Variants in STK3 observed in about 807,000 individuals in gnomAD.
STK3 encodes the protein serine/threonine-protein kinase 3.
STK3 carries 41 observed loss-of-function variants against 58.0 expected under a neutral mutation model. The ratio of observed to expected loss-of-function variants is 0.71; its 90% CI spans 0.55 to 0.92. STK3 has a LOEUF of 0.92. Ranked by LOEUF, STK3 falls within the 40% of genes least tolerant of loss-of-function variation. The pLI is 0.00. For synonymous variants in STK3, 170 were observed against 191.0 expected, an observed-to-expected ratio of 0.89 and a Z score of 0.91; for missense variants, 479 against 602.7, an observed-to-expected ratio of 0.79 and a Z score of 2.15.
chr8:98,921,331 G>A (rs527354065), intron 1 of STK3: 3 of 152,088 alleles, frequency 2.0e-5, no homozygotes, highest in Admixed American at 6.5e-5. Context: ...TTGTCTGGAG[G>A]TTCTAGCAGG....
At chr8:98,544,400 C>T (rs187995874) in intron 9 of STK3, among the ~76,000 whole-genome samples, 9 of 152,098 alleles carry the variant, frequency 5.9e-5, no homozygotes, top group African/African-American at 2.2e-4. Context: ...TACTGTAGTT[C>T]TCTAATAATT....
intron 3 of STK3, among the ~76,000 whole-genome samples, chr8:98,877,110 T>C (rs112394700): frequency 0.032 from 4,813 of 152,316 alleles, 107 homozygotes; most frequent in Non-Finnish European, 0.046. Flanking sequence ...ATGACATCTA[T>C]TCCAAAAGGT....
rs187093578 is a variant in STK3, at chr8:98,651,062, C to G, written c.685-54893G>C. Among the ~76,000 whole-genome samples, 237 of 152,318 alleles carry G rather than the reference C, an allele frequency of 1.6e-3. 1 individual carries two copies. Among genetic ancestry groups the G allele is most frequent in the African/African-American group, 5.5e-3 (227 of 41,586 alleles). On this transcript the variant is annotated intron_variant, in intron 6 of 10. Coordinates refer to ENST00000419617, the MANE Select transcript of STK3 (RefSeq NM_006281.4). ...CCTCAAGTGGGTCCCTGACCCCTGG[C>G]CCTGGAGCCGCCTAACTGGGAGGCA... is the stretch of plus-strand genomic sequence containing the variant.
chr8:98,877,078 T>G (rs552889005), intron 3 of STK3, among the ~76,000 whole-genome samples: 21 of 152,354 alleles, frequency 1.4e-4, no homozygotes, highest in African/African-American at 4.8e-4. Context: ...ACTGATTAGA[T>G]AGATAACTGT....
intron 3 of STK3, among the ~76,000 whole-genome samples, chr8:98,831,319 C>G (rs1229767800): frequency 3.9e-5 from 6 of 152,182 alleles, no homozygotes; most frequent in Admixed American, 2.0e-4. Context: ...GTGACACAAT[C>G]AAAGCCCACT....
At chr8:98,534,724 C>T (rs778299999) in intron 9 of STK3, among the ~76,000 whole-genome samples, 6 of 152,128 alleles carry the variant, frequency 3.9e-5, no homozygotes, top group South Asian at 2.1e-4. Context: ...CATTACAAGA[C>T]GTATTTCTCT....
chr8:98,523,790 G>C (rs865866546), intron 10 of STK3, among the ~76,000 whole-genome samples: 1 of 151,908 alleles, frequency 6.6e-6, no homozygotes, highest in South Asian at 2.1e-4. Context: ...ATTTACAAAT[G>C]TTTTCTCTCA....
intron 6 of STK3, among the ~76,000 whole-genome samples, chr8:98,623,103 T>C (rs1818447518): frequency 6.6e-6 from 1 of 151,442 alleles, no homozygotes. Context: ...GGTTGAGAGA[T>C]TGGACTTGAG....
intron 6 of STK3, among the ~76,000 whole-genome samples, chr8:98,624,037 A>G (rs1818529694): frequency 6.6e-6 from 1 of 152,258 alleles, no homozygotes; most frequent in South Asian, 2.1e-4. Flanking sequence ...AATAGTCTCC[A>G]GTTTTTCTTT....
intron 4 of STK3, among the ~76,000 whole-genome samples, chr8:98,720,723 C>A (rs983048743): frequency 6.8e-6 from 1 of 147,114 alleles, no homozygotes; most frequent in African/African-American, 2.5e-5. Flanking sequence ...TGCACTCCAG[C>A]CTGGGTGACA....
intron 10 of STK3, among the ~76,000 whole-genome samples, chr8:98,464,540 T>TTAAAAAA (rs71572015): frequency 1.4e-5 from 1 of 69,226 alleles, no homozygotes; most frequent in African/African-American, 5.7e-5. Flanking sequence ...TACTTAAAGT[T>TTAAAAAA]AAAAAAAAAA....
intron 3 of STK3, among the ~76,000 whole-genome samples, chr8:98,871,720 T>A: frequency 6.6e-6 from 1 of 152,244 alleles, no homozygotes; most frequent in Admixed American, 6.5e-5. Flanking sequence ...TGACGTTGCT[T>A]ATCAGTTTAA....
chr8:98,521,766 C>G (rs1825383182), intron 10 of STK3, among the ~76,000 whole-genome samples: 1 of 152,114 alleles, frequency 6.6e-6, no homozygotes, highest in Non-Finnish European at 1.5e-5. Flanking sequence ...TACTGCTAAG[C>G]TTTTTATTAC....
intron 1 of STK3, chr8:98,388,142 T>C (rs1425017666): frequency 1.3e-5 from 2 of 152,238 alleles, no homozygotes; most frequent in African/African-American, 2.4e-5. Flanking sequence ...AGATAACTAC[T>C]TCAGTATTCT....
intron 1 of STK3, among the ~76,000 whole-genome samples, chr8:98,887,885 T>A (rs141933058): frequency 2.0e-5 from 3 of 152,276 alleles, no homozygotes; most frequent in Non-Finnish European, 4.4e-5. Flanking sequence ...GCTCGAGGCA[T>A]TCGCTGGCCT....
intron 3 of STK3, among the ~76,000 whole-genome samples, chr8:98,831,162 G>A (rs1350487873): frequency 6.6e-6 from 1 of 152,068 alleles, no homozygotes; most frequent in Non-Finnish European, 1.5e-5. Context: ...ATAACAAAAA[G>A]CATACGTTCT....
intron 1 of STK3, among the ~76,000 whole-genome samples, chr8:98,940,036 C>T (rs574479917): frequency 2.0e-5 from 3 of 152,236 alleles, no homozygotes; most frequent in Non-Finnish European, 4.4e-5. Context: ...TGGCTCTCTC[C>T]GACGAGGCAA....
chr8:98,387,948 A>G (rs1028487443), intron 1 of STK3, among the ~76,000 whole-genome samples: 1 of 151,546 alleles, frequency 6.6e-6, no homozygotes, highest in African/African-American at 2.4e-5. Flanking sequence ...GATAGCAAAG[A>G]CTATGGCAAT....
intron 3 of STK3, among the ~76,000 whole-genome samples, chr8:98,407,168 G>A (rs938513111): frequency 6.6e-6 from 1 of 152,202 alleles, no homozygotes. Flanking sequence ...GGTAGTTTAA[G>A]TCCAGAATTA....
Sources: allele counts gnomAD v4.1 joint callset (sites outside exome capture counted in the v4.1 genomes callset), GRCh38; gene constraint gnomAD v4.1.1; transcripts MANE v1.5; gene names NCBI Gene and HGNC (gene_info 2026-07-23, HGNC 2026-07-21).